DIAPH1: variants seen among roughly 807,000 people sequenced by gnomAD.
DIAPH1 encodes the protein protein diaphanous homolog 1.
DIAPH1 carries 46 observed loss-of-function variants against 140.7 expected under a neutral mutation model. That is an observed-to-expected ratio of 0.33 (90% confidence interval 0.26 to 0.42). The LOEUF is 0.42. DIAPH1 is among the 10% of genes least tolerant of loss of function. The pLI, the probability that DIAPH1 is intolerant of heterozygous loss-of-function variation, is 1.00. For synonymous variants in DIAPH1, 565 were observed against 551.6 expected (o/e 1.02, Z -0.34); for missense variants, 1,310 against 1,558.7 (o/e 0.84, Z 2.69).
Position 141,516,898 on chromosome 5 carries a change from G to A in DIAPH1, c.3772C>T (p.Pro1258Ser), listed in dbSNP as rs751282493. 2 of 1,614,202 alleles carry A rather than the reference G, an allele frequency of 1.2e-6. No individual in the cohort carries two copies. The highest frequency in any genetic ancestry group is 2.7e-5 in the African/African-American group (2 of 75,044). ...TCCTTGGCTTCCTCAAGGATTGTGG[G>A]GAATGTCTCACTGTTCTTGGACACC... ...AKVSKNSETFPTILEEAKELV... is the reference protein window; with the variant it reads ...AKVSKNSETFSTILEEAKELV... Residue 1258 changes from proline to serine, a missense_variant, in exon 28 of 28, where the codon CCC becomes TCC. Coordinates refer to ENST00000389054, the MANE Select transcript of DIAPH1 (RefSeq NM_005219.5).
At chr5:141,564,820 T>C (rs1340004700) in intron 18 of DIAPH1, 1 of 152,214 alleles carries the variant, frequency 6.6e-6, no homozygotes, top group Admixed American at 6.5e-5. Flanking sequence ...ACCTTTTAGG[T>C]TCATGTATCT....
intron 18 of DIAPH1, among the ~76,000 whole-genome samples, chr5:141,568,683 T>A (rs1051252845): frequency 6.6e-6 from 1 of 152,082 alleles, no homozygotes; most frequent in African/African-American, 2.4e-5. Context: ...ATGTGCAGAG[T>A]GAGGCAGGTG....
intron 17 of DIAPH1, 102 bp from the exon 18 acceptor site, chr5:141,571,538 C>G (rs2099895187): frequency 1.0e-6 from 1 of 1,001,544 alleles, no homozygotes. Context: ...TAGACAGTCA[C>G]TCAGTCACCC....
chr5:141,585,583 C>T (rs2099897417), intron 3 of DIAPH1, among the ~76,000 whole-genome samples: 1 of 152,042 alleles, frequency 6.6e-6, no homozygotes, highest in Non-Finnish European at 1.5e-5. Flanking sequence ...GGGTGGATCA[C>T]AAGGTCAGGG....
At chr5:141,587,270 C>A in intron 2 of DIAPH1, 73 bp from the exon 3 acceptor site, 4 of 1,484,042 alleles carry the variant, frequency 2.7e-6, no homozygotes, top group Non-Finnish European at 2.8e-6. Context: ...AAATTCTTTA[C>A]CCCTTTAACC....
At chr5:141,542,427 T>C (rs1276508705) in intron 18 of DIAPH1, among the ~76,000 whole-genome samples, 7 of 150,572 alleles carry the variant, frequency 4.6e-5, no homozygotes, top group Non-Finnish European at 8.9e-5. Flanking sequence ...AGTGGGACTC[T>C]GTCTTGGGAA....
At chr5:141,575,889 T>C (rs1416874667) in intron 14 of DIAPH1, among the ~76,000 whole-genome samples, 1 of 152,186 alleles carries the variant, frequency 6.6e-6, no homozygotes, top group Non-Finnish European at 1.5e-5. Flanking sequence ...TCTAGTTCTA[T>C]TGCTCTAAGG....
chr5:141,561,523 A>G (rs2099893535), intron 18 of DIAPH1, among the ~76,000 whole-genome samples: 1 of 149,742 alleles, frequency 6.7e-6, no homozygotes, highest in Admixed American at 6.7e-5. Context: ...GAAGTGCTCT[A>G]GAATCTTCTC....
At chr5:141,608,960 A>G (rs2099901377) in intron 1 of DIAPH1, among the ~76,000 whole-genome samples, 1 of 152,126 alleles carries the variant, frequency 6.6e-6, no homozygotes, top group African/African-American at 2.4e-5. Context: ...TAAACAACTA[A>G]AACTCCTGAC....
chr5:141,536,259 G>C (rs1474098171), intron 18 of DIAPH1, among the ~76,000 whole-genome samples: 1 of 152,162 alleles, frequency 6.6e-6, no homozygotes, highest in Non-Finnish European at 1.5e-5. Context: ...CTGTGATGGT[G>C]CCACTGCACT....
intron 18 of DIAPH1, among the ~76,000 whole-genome samples, chr5:141,545,148 T>G (rs752156888): frequency 1.3e-5 from 2 of 152,206 alleles, no homozygotes; most frequent in Admixed American, 1.3e-4. Flanking sequence ...ATGCCAGGGT[T>G]TGGCAATAAG....
chr5:141,592,918 C>T (rs375810819), intron 1 of DIAPH1, among the ~76,000 whole-genome samples: 1 of 152,176 alleles, frequency 6.6e-6, no homozygotes, highest in African/African-American at 2.4e-5. Context: ...CATCTAATTT[C>T]TCTCCTTCTT....
chr5:141,614,554 T>A (rs2099902356), intron 1 of DIAPH1, among the ~76,000 whole-genome samples: 1 of 152,172 alleles, frequency 6.6e-6, no homozygotes, highest in Admixed American at 6.5e-5. Flanking sequence ...TTCAGCTTTT[T>A]AAAAAAATTT....
rs772600708 is a variant in DIAPH1 at position 141,618,962 on chromosome 5, C to T, written c.-48G>A. 2.4e-5 allele frequency: 27 copies of T among 1,130,838 alleles called. No individual in the cohort carries two copies. The South Asian group carries it at 4.1e-4, about 17-fold the overall frequency. The allele number at this position is 1,130,838 out of a possible 1,614,324, so 70.1% of individuals were successfully genotyped here. A position where few individuals can be genotyped will look rare whatever the true frequency, so the allele number is the denominator to read the frequency against. ...GACCCCGCGCCTACGCCGCTCCCGC[C>T]TGGCAGCTCCGCGCCCGCCGCCGCC... On this transcript the variant is annotated 5_prime_UTR_variant, in exon 1 of 28. Transcript: ENST00000389054.
chr5:141,561,421 A>G (rs1341179211), intron 18 of DIAPH1, among the ~76,000 whole-genome samples: 2 of 151,936 alleles, frequency 1.3e-5, no homozygotes, highest in Non-Finnish European at 2.9e-5. Flanking sequence ...TTAAGAGTGA[A>G]GTAAAGGATA....
At chr5:141,527,794 A>ATAG in intron 23 of DIAPH1, 97 bp from the exon 24 acceptor site, 1 of 1,394,654 alleles carries the variant, frequency 7.2e-7, no homozygotes, top group Non-Finnish European at 9.6e-7. Flanking sequence ...CTTTCAGAGC[A>ATAG]TAGCTTCAGT....
intron 24 of DIAPH1, 133 bp from the exon 25 acceptor site, chr5:141,526,594 A>T: frequency 9.6e-7 from 1 of 1,043,628 alleles, no homozygotes; most frequent in Non-Finnish European, 1.5e-6. Flanking sequence ...AACAGCAAAA[A>T]CCAAAGCCAT....
chr5:141,580,868 TGGTC>T lies in DIAPH1; in HGVS notation c.696_699del (p.Thr233CysfsTer22). The T allele has an allele frequency of 6.2e-7, 1 of 1,614,210 alleles. No individual in the cohort carries two copies. Among genetic ancestry groups the T allele is most frequent in the Non-Finnish European group, 8.5e-7 (1 of 1,180,040 alleles). On this transcript the variant is annotated frameshift_variant, in exon 8 of 28. Coordinates refer to ENST00000389054, the MANE Select transcript of DIAPH1 (RefSeq NM_005219.5). LOFTEE classifies it high-confidence loss of function. The stretch of plus-strand genomic sequence containing the variant: ...AGGATTCCTTCTTCTGTCTCCAACA[TGGTC>T]TTGATTCCAAACTGGTAGGACCAAG...
chr5:141,569,313 A>G (rs780136683), intron 18 of DIAPH1, among the ~76,000 whole-genome samples: 9 of 152,204 alleles, frequency 5.9e-5, no homozygotes, highest in African/African-American at 1.4e-4. Flanking sequence ...TGGAAGATGA[A>G]ATATTTACAA....
Sources: allele counts gnomAD v4.1 joint callset (sites outside exome capture counted in the v4.1 genomes callset), GRCh38; gene constraint gnomAD v4.1.1; transcripts MANE v1.5; gene names NCBI Gene and HGNC (gene_info 2026-07-23, HGNC 2026-07-21).